The following SLC34A2 variants were observed in gnomAD, a reference collection of about 807,000 sequenced individuals.
The protein encoded by SLC34A2 is sodium-dependent phosphate transport protein 2B.
A neutral mutation model predicts 50.8 loss-of-function variants in SLC34A2; 41 were observed. The observed-to-expected ratio is 0.81, with a 90% CI of 0.63 to 1.05. The LOEUF (loss-of-function observed/expected upper bound fraction) is 1.05, where lower values mean the gene tolerates loss of function less well. Ranked by LOEUF, SLC34A2 falls within the 50% of genes least tolerant of loss-of-function variation. The pLI is 0.00. For synonymous variants in SLC34A2, 401 were observed against 364.2 expected (o/e 1.10, Z -1.15); for missense variants, 879 against 876.7 (o/e 1.00, Z -0.03).
intron 6 of SLC34A2, among the ~76,000 whole-genome samples, chr4:25,668,654 A>AAAAT (rs1553854569): frequency 1.4e-4 from 21 of 148,782 alleles, no homozygotes; most frequent in African/African-American, 4.1e-4. Context: ...AAAAAAAAAA[A>AAAAT]AAATAAATAA....
In SLC34A2 at chr4:25,662,686, C is replaced by T. The variant is rs980343305; in HGVS notation, c.113-19C>T. Reference sequence around the variant, plus strand: ...GAGACTCAGGTCTGATTCCTCATTACCCCTTTTGCTTGTTTCAGCAGATAA... The same window carrying T: ...GAGACTCAGGTCTGATTCCTCATTATCCCTTTTGCTTGTTTCAGCAGATAA... On this transcript the variant is annotated intron_variant, in intron 2 of 12. Coordinates refer to ENST00000382051, the MANE Select transcript of SLC34A2 (RefSeq NM_006424.3). 3 of 1,614,072 alleles carry T rather than the reference C, an allele frequency of 1.9e-6. No individual in the cohort carries two copies. The African/African-American group carries it at 4.0e-5, about 22-fold the overall frequency.
rs547423276 is a variant in SLC34A2, at chr4:25,669,084, TAAAA to T, written c.636-559_636-556del. ...TCATGTTTCATCACTTTCAAGAACTTAAAAAAAGTTTAAGAATTCACTTGCATAG... is the reference window on the plus strand; with the variant it reads ...TCATGTTTCATCACTTTCAAGAACTTAAAGTTTAAGAATTCACTTGCATAG... On this transcript the variant is annotated intron_variant, in intron 6 of 12. Transcript: ENST00000382051. Among the ~76,000 whole-genome samples, 579 of 152,258 alleles carry T rather than the reference TAAAA, an allele frequency of 3.8e-3. 3 individuals carry two copies. The highest frequency in any genetic ancestry group is 0.013 in the African/African-American group (554 of 41,546).
At chr4:25,661,416 T>A (rs1714175747) in intron 1 of SLC34A2, among the ~76,000 whole-genome samples, 2 of 152,194 alleles carry the variant, frequency 1.3e-5, no homozygotes, top group South Asian at 4.1e-4. Context: ...GACAGAGTTT[T>A]GCTCTGTATC....
intron 1 of SLC34A2, among the ~76,000 whole-genome samples, chr4:25,659,569 G>A (rs559593179): frequency 1.8e-4 from 28 of 152,096 alleles, no homozygotes; most frequent in African/African-American, 6.0e-4. Flanking sequence ...CAAGAGTTCC[G>A]AGTGTTTACT....
chr4:25,663,122 A>T (rs1714302645), intron 3 of SLC34A2, among the ~76,000 whole-genome samples: 1 of 151,798 alleles, frequency 6.6e-6, no homozygotes, highest in African/African-American at 2.4e-5. Flanking sequence ...TTACAGGCTA[A>T]TTTTTGTATT....
intron 3 of SLC34A2, 108 bp from the exon 4 acceptor site, chr4:25,664,094 G>A: frequency 1.9e-6 from 2 of 1,061,528 alleles, no homozygotes; most frequent in South Asian, 2.5e-5. Flanking sequence ...AGGCTGGGAA[G>A]GGAGGGGAGG....
chr4:25,668,449 C>G (rs183823197), intron 6 of SLC34A2, among the ~76,000 whole-genome samples: 30 of 152,272 alleles, frequency 2.0e-4, no homozygotes, highest in African/African-American at 6.7e-4. Flanking sequence ...GGTCAGGAGC[C>G]TGGCCAACAT....
chr4:25,668,890 GTTT>G (rs545397296), intron 6 of SLC34A2, among the ~76,000 whole-genome samples: 2 of 135,874 alleles, frequency 1.5e-5, no homozygotes, highest in East Asian at 2.1e-4. Context: ...CTTCTAGCTA[GTTT>G]TTTTTTTTTT....
Position 25,674,553 on chromosome 4 carries a change from C to G in SLC34A2, c.1382C>G (p.Ser461Cys), listed in dbSNP as rs758978788. ...IERAYPLTLG[S>C]NIGTTTTAIL... ...AGGGCTTATCCACTCACGCTGGGCTCCAACATCGGCACCACCACCACCGCC... is the reference window on the plus strand; with the variant it reads ...AGGGCTTATCCACTCACGCTGGGCTGCAACATCGGCACCACCACCACCGCC... The change falls in exon 12 of 13, where the codon TCC becomes TGC. Residue 461 changes from serine to cysteine, a missense_variant. Ser to Cys is a moderately radical substitution (Grantham distance 112). Transcript: ENST00000382051. The G allele has an allele frequency of 2.5e-6, 4 of 1,614,074 alleles. No individual in the cohort carries two copies. The highest frequency in any genetic ancestry group is 3.4e-6 in the Non-Finnish European group (4 of 1,180,042).
chr4:25,671,831 G>T (rs2109058292), intron 9 of SLC34A2, 110 bp downstream of exon 9: 6 of 1,446,480 alleles, frequency 4.1e-6, no homozygotes, highest in Non-Finnish European at 4.8e-6. Context: ...GAGTCACCAA[G>T]CACCTGCCCT....
intron 1 of SLC34A2, among the ~76,000 whole-genome samples, chr4:25,661,200 C>A (rs1330508764): frequency 6.6e-6 from 1 of 152,114 alleles, no homozygotes; most frequent in African/African-American, 2.4e-5. Flanking sequence ...GTCTCATAAC[C>A]CTGCAAGAAC....
chr4:25,674,614 G>A lies in SLC34A2; in HGVS notation c.1443G>A (p.Leu481=), dbSNP rs746807360. Residue 481 remains leucine (L), a synonymous_variant, in exon 12 of 13, where the codon TTG becomes TTA. Transcript: ENST00000382051. ...LAALASPGNA[L]RSSLQIALCH... is the part of the protein sequence containing the mutation. ...CCTTAGCCAGCCCTGGCAATGCATT[G>A]AGGAGTTCACTCCAGGTCAGGACTT... is the stretch of plus-strand genomic sequence containing the variant. 1.9e-6 allele frequency: 3 copies of A among 1,614,246 alleles called. No homozygotes were observed. The highest frequency in any genetic ancestry group is 1.7e-6 in the Non-Finnish European group (2 of 1,180,048).
rs1026754402 is a variant in SLC34A2 at position 25,671,546 on chromosome 4, T to G, written c.928-55T>G. The G allele has an allele frequency of 3.1e-6, 5 of 1,594,654 alleles. No homozygotes were observed. The African/African-American group carries it at 4.0e-5, about 13-fold the overall frequency. On this transcript the variant is annotated intron_variant, in intron 8 of 12. Transcript: ENST00000382051. The stretch of plus-strand genomic sequence containing the variant: ...GTTCATTCCCACCCCCGCCATTGCC[T>G]CCCATTCCCCACTAAAAGCCAGTGT...
In SLC34A2 at chr4:25,676,455, G is replaced by T; in HGVS notation, c.1779G>T (p.Leu593=). 1 of 1,614,192 alleles carries T rather than the reference G, an allele frequency of 6.2e-7. No individual in the cohort carries two copies. The highest frequency in any genetic ancestry group is 2.2e-5 in the East Asian group (1 of 44,886). ...LPKKLQNWNF[L]PLWMRSLKPW... Reference sequence around the variant, plus strand: ...AGAAACTCCAGAACTGGAACTTCCTGCCGCTGTGGATGCGCTCGCTGAAGC... The same window carrying T: ...AGAAACTCCAGAACTGGAACTTCCTTCCGCTGTGGATGCGCTCGCTGAAGC... The change falls in exon 13 of 13, where the codon CTG becomes CTT. Residue 593 remains leucine, a synonymous_variant. Coordinates refer to ENST00000382051, the MANE Select transcript of SLC34A2 (RefSeq NM_006424.3).
chr4:25,674,341 T>C lies in SLC34A2; in HGVS notation c.1262T>C (p.Leu421Pro), dbSNP rs755725918. 6.2e-7 allele frequency: 1 copy of C among 1,614,050 alleles called. No homozygotes were observed. Residue 421 changes from leucine to proline, a missense_variant, in exon 11 of 13, where the codon CTC (leucine) becomes CCC (proline). Leu to Pro is a moderately conservative substitution (Grantham distance 98). Transcript: ENST00000382051. ...FAWLTGYLAI[L>P]VGAGMTFIVQ... is the part of the protein sequence containing the mutation. ...TGGTTGACTGGCTACCTGGCCATCC[T>C]CGTCGGGGCAGGCATGACCTTCATC...
chr4:25,673,093 A>C lies in SLC34A2; in HGVS notation c.1055A>C (p.His352Pro). 6.2e-7 allele frequency: 1 copy of C among 1,614,110 alleles called. No homozygotes were observed. Among genetic ancestry groups the C allele is most frequent in the Non-Finnish European group, 8.5e-7 (1 of 1,180,020 alleles). ...ATTCTTTGTGGTCTTTCAGGCCAGC[A>C]TATCTTTGTGAATTTCCACCTCCCG... ...TYKENIAKCQ[H>P]IFVNFHLPDL... The change falls in exon 10 of 13, where the codon CAT becomes CCT. Residue 352 changes from histidine to proline, a missense_variant. Transcript: ENST00000382051.
chr4:25,671,201 CTT>C (rs1714796748), intron 8 of SLC34A2, among the ~76,000 whole-genome samples: 1 of 152,190 alleles, frequency 6.6e-6, no homozygotes, highest in Admixed American at 6.5e-5. Context: ...TGTCCTCTCT[CTT>C]ACTTTCCAGA....
In SLC34A2 at chr4:25,676,774, G is replaced by A. The variant is rs3733545; in HGVS notation, c.*25G>A. The stretch of plus-strand genomic sequence containing the variant: ...GGGGACGCCCCAGATTGTCAGGGAT[G>A]GGGGGATGGTCCTTGAGTTTTGCAT... On this transcript the variant is annotated 3_prime_UTR_variant, in exon 13 of 13. Coordinates refer to ENST00000382051, the MANE Select transcript of SLC34A2 (RefSeq NM_006424.3). 91 of 1,613,382 alleles carry A rather than the reference G, an allele frequency of 5.6e-5. 1 individual carries two copies. Among genetic ancestry groups the A allele is most frequent in the Admixed American group, 1.8e-4 (11 of 59,976 alleles).
At position 25,664,277 on chromosome 4, in the gene SLC34A2, A is replaced by T; in HGVS notation, c.326A>T (p.Tyr109Phe). 1 of 1,610,900 alleles carries T rather than the reference A, an allele frequency of 6.2e-7. No homozygotes were observed. The highest frequency in any genetic ancestry group is 1.1e-5 in the South Asian group (1 of 90,948). ...GRLILLLGFL[Y>F]FFVCSLDILS... ...TTGATTTTACTTCTCGGATTTCTCT[A>T]CTTTTTCGTGTGCTCCCTGGATATT... The change falls in exon 4 of 13, where the codon TAC (tyrosine) becomes TTC (phenylalanine). Residue 109 changes from tyrosine (Y) to phenylalanine (F), a missense_variant. Physicochemically the swap from Tyr to Phe is conservative, Grantham distance 22. Coordinates refer to ENST00000382051, the MANE Select transcript of SLC34A2 (RefSeq NM_006424.3).
Sources: allele counts gnomAD v4.1 joint callset (sites outside exome capture counted in the v4.1 genomes callset), GRCh38; gene constraint gnomAD v4.1.1; transcripts MANE v1.5; gene names NCBI Gene and HGNC (gene_info 2026-07-23, HGNC 2026-07-21).